The following ACAD10 variants were observed in gnomAD, a reference collection of about 807,000 sequenced individuals.
The protein encoded by ACAD10 is ACAD-10.
A neutral mutation model predicts 116.8 loss-of-function variants in ACAD10; 112 were observed. The observed-to-expected ratio is 0.96, with a 90% CI of 0.82 to 1.12. The LOEUF is 1.12. Among genes scored for constraint, ACAD10 ranks in the 50% most tolerant of loss-of-function variants. The pLI, the probability that ACAD10 is intolerant of heterozygous loss-of-function variation, is 0.00. For synonymous variants in ACAD10, 486 were observed against 510.6 expected (o/e 0.95, Z 0.65); for missense variants, 1,259 against 1,350.2 (o/e 0.93, Z 1.06).
At chr12:111,748,682 T>G (rs559590051) in intron 17 of ACAD10, 1 of 658,200 alleles carries the variant, frequency 1.5e-6, no homozygotes, top group Admixed American at 3.0e-5. Flanking sequence ...TGGATTTTTT[T>G]CCCTCTTCTA....
At chr12:111,697,213 C>T (rs1888212931) in intron 2 of ACAD10, among the ~76,000 whole-genome samples, 1 of 151,942 alleles carries the variant, frequency 6.6e-6, no homozygotes, top group African/African-American at 2.4e-5. Flanking sequence ...TGCACTCCAG[C>T]CTGGGTGACA....
intron 5 of ACAD10, chr12:111,710,111 AC>A (rs1156718299): frequency 3.7e-6 from 1 of 267,216 alleles, no homozygotes; most frequent in African/African-American, 2.4e-5. Context: ...TTTTTCTCAT[AC>A]AGGGTCTTGT....
intron 8 of ACAD10, among the ~76,000 whole-genome samples, chr12:111,727,141 G>C (rs183980247): frequency 6.6e-5 from 10 of 151,144 alleles, no homozygotes; most frequent in Admixed American, 6.6e-4. Context: ...CAGGATAATC[G>C]CTTGAACCCA....
chr12:111,731,914 G>A lies in ACAD10; in HGVS notation c.1394+1958G>A, dbSNP rs141637899. Among the ~76,000 whole-genome samples, 5 of 152,114 alleles carry A rather than the reference G, an allele frequency of 3.3e-5. No homozygotes were observed. In the East Asian group the frequency reaches 9.7e-4, roughly 29 times the overall value. ...CCTGGCCAACATGCCAAAATCCCAT[G>A]TCTATTAAAAATATAAAAATTACCT... On this transcript the variant is annotated intron_variant, in intron 10 of 20. Transcript: ENST00000313698.
chr12:111,756,573 C>G lies in ACAD10; in HGVS notation c.*100C>G. On this transcript the variant is annotated 3_prime_UTR_variant, in exon 21 of 21. Transcript: ENST00000313698. Reference sequence around the variant, plus strand: ...AGATCCGGTGTTTGTGGCTCCTGCACCCTGCTCAGCAGCTCTGTCCCGGGA... The same window carrying G: ...AGATCCGGTGTTTGTGGCTCCTGCAGCCTGCTCAGCAGCTCTGTCCCGGGA... The G allele has an allele frequency of 6.6e-7, 1 of 1,522,766 alleles. No homozygotes were observed. Among genetic ancestry groups the G allele is most frequent in the Non-Finnish European group, 8.9e-7 (1 of 1,128,878 alleles). The allele number at this position is 1,522,766 out of a possible 1,614,324, so 94.3% of individuals were successfully genotyped here.
intron 1 of ACAD10, 101 bp downstream of exon 1, chr12:111,686,340 C>T (rs1887848206): frequency 6.6e-6 from 1 of 152,428 alleles, no homozygotes; most frequent in African/African-American, 2.4e-5. Context: ...TGTTTCTGTC[C>T]CACTTTACAG....
At chr12:111,737,195 G>T (rs929846408) in intron 12 of ACAD10, among the ~76,000 whole-genome samples, 191 bp downstream of exon 12, 1 of 152,010 alleles carries the variant, frequency 6.6e-6, no homozygotes, top group Non-Finnish European at 1.5e-5. Context: ...TTTATTATTT[G>T]TTTTTGAGAC....
intron 19 of ACAD10, 59 bp downstream of exon 19, chr12:111,753,974 C>A (rs1373312865): frequency 5.7e-5 from 88 of 1,531,718 alleles, no homozygotes; most frequent in Non-Finnish European, 7.2e-5. Flanking sequence ...CCTCACTCAG[C>A]AAAGCATGAG....
intron 9 of ACAD10, among the ~76,000 whole-genome samples, chr12:111,728,763 C>G (rs1417617138): frequency 1.3e-5 from 2 of 149,474 alleles, no homozygotes; most frequent in Admixed American, 6.6e-5. Flanking sequence ...GATCTCGGCT[C>G]ACTGCAGCCT....
intron 12 of ACAD10, among the ~76,000 whole-genome samples, chr12:111,741,269 A>G (rs1889734485): frequency 6.6e-6 from 1 of 152,224 alleles, no homozygotes; most frequent in Non-Finnish European, 1.5e-5. Flanking sequence ...ATAAACACTA[A>G]CCAGAAATAT....
rs1888084502 is a variant in ACAD10 at position 111,692,658 on chromosome 12, G to A, written c.-13-39G>A. 8 of 1,577,592 alleles carry A rather than the reference G, an allele frequency of 5.1e-6. No homozygotes were observed. The Middle Eastern group carries it at 6.9e-4, about 135-fold the overall frequency. ...AGGATGGAGGCCTGGTTGGGAGGCAGTGCAGGCAAGTAACGCCCTGTGCCT... is the reference window on the plus strand; with the variant it reads ...AGGATGGAGGCCTGGTTGGGAGGCAATGCAGGCAAGTAACGCCCTGTGCCT... On this transcript the variant is annotated intron_variant, in intron 1 of 20. Transcript: ENST00000313698.
intron 1 of ACAD10, 24 bp from the exon 2 acceptor site, chr12:111,692,673 G>T (rs1466189249): frequency 6.3e-7 from 1 of 1,598,292 alleles, no homozygotes; most frequent in African/African-American, 1.3e-5. Context: ...GGCAAGTAAC[G>T]CCCTGTGCCT....
At chr12:111,719,767 G>A (rs535173820) in intron 7 of ACAD10, among the ~76,000 whole-genome samples, 31 of 151,838 alleles carry the variant, frequency 2.0e-4, no homozygotes, top group Non-Finnish European at 3.5e-4. Flanking sequence ...TCGCTCTGTT[G>A]CCCAGGCTGG....
intron 3 of ACAD10, among the ~76,000 whole-genome samples, chr12:111,704,965 G>C (rs1888457900): frequency 1.3e-5 from 2 of 152,046 alleles, no homozygotes; most frequent in South Asian, 4.2e-4. Context: ...GGGATTACAG[G>C]TGTGAGCCAC....
intron 8 of ACAD10, among the ~76,000 whole-genome samples, chr12:111,724,293 G>A (rs534068719): frequency 5.3e-4 from 76 of 143,006 alleles, no homozygotes; most frequent in African/African-American, 5.7e-4. Flanking sequence ...GGATGGCGGC[G>A]GGGCGGAGAC....
chr12:111,719,131 GAA>G (rs898965564), intron 7 of ACAD10, among the ~76,000 whole-genome samples: 3 of 151,756 alleles, frequency 2.0e-5, no homozygotes, highest in Admixed American at 2.0e-4. Context: ...AAAAAAAAAA[GAA>G]AAGAAAAAAA....
At chr12:111,706,782 A>ATATATTTTTTTTTTT (rs778649893) in intron 4 of ACAD10, among the ~76,000 whole-genome samples, 10 of 126,496 alleles carry the variant, frequency 7.9e-5, no homozygotes, top group African/African-American at 3.2e-4. Context: ...ATATATATAT[A>ATATATTTTTTTTTTT]TTTTTTTTTT....
In ACAD10 at chr12:111,697,742, C is replaced by T. The variant is rs568305805; in HGVS notation, c.188-4420C>T. 1.3e-4 allele frequency among the ~76,000 whole-genome samples: 19 copies of T among 151,886 alleles called. No homozygotes were observed. In the South Asian group the frequency reaches 3.5e-3, roughly 28 times the overall value. ...CTGGGACTGCAGGCATCCACCACCA[C>T]GCCCTGCTAATTTTTTGTATTTTTA... is the stretch of plus-strand genomic sequence containing the variant. On this transcript the variant is annotated intron_variant, in intron 2 of 20. Coordinates refer to ENST00000313698, the MANE Select transcript of ACAD10 (RefSeq NM_025247.6).
At chr12:111,753,751 G>A (rs758508539) in intron 18 of ACAD10, 21 bp from the exon 19 acceptor site, 10 of 1,613,710 alleles carry the variant, frequency 6.2e-6, no homozygotes, top group South Asian at 1.1e-5. Context: ...GTCCTCAGCC[G>A]CACATCTCCT....
Sources: allele counts gnomAD v4.1 joint callset (sites outside exome capture counted in the v4.1 genomes callset), GRCh38; gene constraint gnomAD v4.1.1; transcripts MANE v1.5; gene names NCBI Gene and HGNC (gene_info 2026-07-23, HGNC 2026-07-21).